FOLH1: variants seen among roughly 807,000 people sequenced by gnomAD.
FOLH1 encodes the protein folate hydrolase 1.
FOLH1 carries 54 observed loss-of-function variants against 93.9 expected under a neutral mutation model. The ratio of observed to expected loss-of-function variants is 0.57; its 90% CI spans 0.46 to 0.72. FOLH1 has a LOEUF of 0.72. Ranked by LOEUF, FOLH1 falls within the 30% of genes least tolerant of loss-of-function variation. FOLH1 has a pLI of 0.00. For synonymous variants in FOLH1, 249 were observed against 303.6 expected (o/e 0.82, Z 1.87); for missense variants, 571 against 892.5 (o/e 0.64, Z 4.59).
At chr11:49,168,659 T>C (rs575491554) in intron 12 of FOLH1, among the ~76,000 whole-genome samples, 2 of 152,278 alleles carry the variant, frequency 1.3e-5, no homozygotes, top group South Asian at 4.1e-4. Flanking sequence ...GTAATAGCTA[T>C]GGGGTTTCAC....
Position 49,185,876 on chromosome 11 carries a change from C to A in FOLH1, c.640-21G>T, listed in dbSNP as rs1861305502. 3 of 1,507,070 alleles carry A rather than the reference C, an allele frequency of 2.0e-6. No individual in the cohort carries two copies. The South Asian group carries it at 4.1e-5, about 21-fold the overall frequency. The allele number at this position is 1,507,070 out of a possible 1,614,324, so 93.4% of individuals were successfully genotyped here. A position where few individuals can be genotyped will look rare whatever the true frequency, so the allele number is the denominator to read the frequency against. On this transcript the variant is annotated intron_variant, in intron 5 of 18. Transcript: ENST00000256999. ...TTAACCTAGAAAACACAGTGTCTTT[C>A]TTTCCTTATTTTAAATTGGTTGTTC... is the stretch of plus-strand genomic sequence containing the variant.
At chr11:49,159,005 G>T (rs1031357688) in intron 13 of FOLH1, among the ~76,000 whole-genome samples, 1 of 152,094 alleles carries the variant, frequency 6.6e-6, no homozygotes, top group Non-Finnish European at 1.5e-5. Flanking sequence ...TGCTATAGTT[G>T]CTTATCAGCT....
intron 12 of FOLH1, among the ~76,000 whole-genome samples, chr11:49,168,126 G>C (rs1312537874): frequency 6.8e-6 from 1 of 146,302 alleles, no homozygotes; most frequent in Non-Finnish European, 1.5e-5. Flanking sequence ...GCAAGATACT[G>C]TCTGTTCCTT....
chr11:49,200,221 G>A, intron 3 of FOLH1, 34 bp downstream of exon 3: 14 of 1,423,084 alleles, frequency 9.8e-6, no homozygotes, highest in Non-Finnish European at 1.2e-5. Flanking sequence ...TAAATGGGGG[G>A]AATGTTTCTT....
In FOLH1 at chr11:49,183,186, G is replaced by T; in HGVS notation, c.883C>A (p.His295Asn). The change falls in exon 7 of 19, where the codon CAT (histidine) becomes AAT (asparagine). Residue 295 changes from histidine to asparagine, a missense_variant. Physicochemically the swap from His to Asn is moderately conservative, Grantham distance 68 (BLOSUM62 1). Coordinates refer to ENST00000256999, the MANE Select transcript of FOLH1 (RefSeq NM_004476.3). Reference sequence around the variant, plus strand: ...TGTGCATCATAGTATCCAATTGGATGAACAGGAATACTTGGAAGACCAACA... The same window carrying T: ...TGTGCATCATAGTATCCAATTGGATTAACAGGAATACTTGGAAGACCAACA... ...EAVGLPSIPV[H>N]PIGYYDAQKL... 1 of 1,612,458 alleles carries T rather than the reference G, an allele frequency of 6.2e-7. No homozygotes were observed. The highest frequency in any genetic ancestry group is 1.1e-5 in the South Asian group (1 of 90,728).
chr11:49,177,785 T>TAAAAA (rs747990555), intron 7 of FOLH1, among the ~76,000 whole-genome samples: 28 of 104,076 alleles, frequency 2.7e-4, no homozygotes, highest in African/African-American at 1.1e-3. Flanking sequence ...CCGTCTCTAC[T>TAAAAA]AAAAAAAAAA....
chr11:49,206,266 A>G, intron 1 of FOLH1, 94 bp from the exon 2 acceptor site: 1 of 1,552,708 alleles, frequency 6.4e-7, no homozygotes, highest in African/African-American at 1.4e-5. Flanking sequence ...TAAAACACAA[A>G]TTATCAATAT....
intron 15 of FOLH1, 151 bp downstream of exon 15, chr11:49,156,566 G>A (rs185315959): frequency 4.7e-5 from 45 of 960,824 alleles, no homozygotes; most frequent in Middle Eastern, 3.1e-4. Context: ...GTTATCCTAC[G>A]TAGTAGTGAT....
intron 3 of FOLH1, among the ~76,000 whole-genome samples, chr11:49,193,911 G>A (rs944075344): frequency 6.6e-6 from 1 of 152,038 alleles, no homozygotes; most frequent in Non-Finnish European, 1.5e-5. Context: ...TGTAATCCCA[G>A]CACTTTGGGA....
chr11:49,176,947 C>T (rs190065663), intron 7 of FOLH1, among the ~76,000 whole-genome samples: 146 of 152,314 alleles, frequency 9.6e-4, no homozygotes, highest in African/African-American at 2.9e-3. Flanking sequence ...TCAATCTGTC[C>T]TGTAAGGCTT....
At chr11:49,188,915 G>A (rs1252821812) in intron 4 of FOLH1, among the ~76,000 whole-genome samples, 1 of 151,896 alleles carries the variant, frequency 6.6e-6, no homozygotes, top group African/African-American at 2.4e-5. Context: ...AACTCAATTG[G>A]GTTTACCTTT....
chr11:49,153,612 T>C (rs1353843598), intron 17 of FOLH1, among the ~76,000 whole-genome samples: 1 of 152,022 alleles, frequency 6.6e-6, no homozygotes, highest in Non-Finnish European at 1.5e-5. Flanking sequence ...CAGCCCTACA[T>C]AGGACGTGCT....
At chr11:49,204,832 A>G (rs1184688779) in intron 2 of FOLH1, among the ~76,000 whole-genome samples, 1 of 152,164 alleles carries the variant, frequency 6.6e-6, no homozygotes. Flanking sequence ...TCCTGCAATC[A>G]TTAGAGGGAC....
rs1335487850 is a variant in FOLH1 at position 49,164,702 on chromosome 11, T to C, written c.1440+3A>G. On this transcript the variant is annotated splice_donor_region_variant and intron_variant, in intron 13 of 18. Transcript: ENST00000256999. ...TTTTCTTAAATTATATGTAATTATATACCTCTTTTGTTAGGTTGTGTACCA... is the reference window on the plus strand; with the variant it reads ...TTTTCTTAAATTATATGTAATTATACACCTCTTTTGTTAGGTTGTGTACCA... The C allele has an allele frequency of 6.3e-7, 1 of 1,583,192 alleles. No homozygotes were observed. Among genetic ancestry groups the C allele is most frequent in the Non-Finnish European group, 8.6e-7 (1 of 1,156,590 alleles).
chr11:49,150,512 G>C (rs1388094108), intron 17 of FOLH1, among the ~76,000 whole-genome samples: 1 of 152,074 alleles, frequency 6.6e-6, no homozygotes, highest in African/African-American at 2.4e-5. Flanking sequence ...AAGATGACTT[G>C]CTAATGTTTA....
At chr11:49,179,769 A>G (rs891022832) in intron 7 of FOLH1, among the ~76,000 whole-genome samples, 1 of 152,232 alleles carries the variant, frequency 6.6e-6, no homozygotes, top group African/African-American at 2.4e-5. Flanking sequence ...TAAAATAAAT[A>G]GAGAAAATCA....
intron 13 of FOLH1, among the ~76,000 whole-genome samples, chr11:49,164,415 TTG>T (rs1349158510): frequency 6.6e-6 from 1 of 152,152 alleles, no homozygotes; most frequent in East Asian, 1.9e-4. Flanking sequence ...ACCGTACAAG[TTG>T]TGTGTGACTT....
At chr11:49,197,600 T>C (rs1045213625) in intron 3 of FOLH1, among the ~76,000 whole-genome samples, 17 of 152,302 alleles carry the variant, frequency 1.1e-4, no homozygotes, top group Admixed American at 3.9e-4. Context: ...ATCATATTTG[T>C]TGCCTACGGA....
chr11:49,192,683 G>A, intron 4 of FOLH1, 110 bp downstream of exon 4: 1 of 740,078 alleles, frequency 1.4e-6, no homozygotes, highest in Non-Finnish European at 2.0e-6. Flanking sequence ...GTGGAAAAAT[G>A]AATTGGATTA....
Sources: allele counts gnomAD v4.1 joint callset (sites outside exome capture counted in the v4.1 genomes callset), GRCh38; gene constraint gnomAD v4.1.1; transcripts MANE v1.5; gene names NCBI Gene and HGNC (gene_info 2026-07-23, HGNC 2026-07-21).